PVT1: variants seen among roughly 807,000 people sequenced by gnomAD.
The protein encoded by PVT1 is Pvt1 oncogene, also known as CXCR4/PVT1 fusion.
At chr8:127,860,164 G>C (rs1439576145) in intron 2 of PVT1, among the ~76,000 whole-genome samples, 1 of 152,208 alleles carries the variant, frequency 6.6e-6, no homozygotes, top group Non-Finnish European at 1.5e-5. Context: ...CCGGCTCCCA[G>C]TGAGCTCCAG....
At chr8:127,895,272 A>G (rs1586425704) in intron 3 of PVT1, among the ~76,000 whole-genome samples, 2 of 152,172 alleles carry the variant, frequency 1.3e-5, no homozygotes, top group Non-Finnish European at 2.9e-5. Flanking sequence ...GGAGTTCAAG[A>G]CCAGCCTAAC....
intron 4 of PVT1, among the ~76,000 whole-genome samples, chr8:128,058,752 G>A (rs1169071701): frequency 6.6e-6 from 1 of 152,172 alleles, no homozygotes; most frequent in Admixed American, 6.5e-5. Context: ...GGCTATTGAG[G>A]TTGCGGAGTT....
chr8:128,032,236 C>T (rs1357418892), intron 4 of PVT1, among the ~76,000 whole-genome samples: 2 of 152,142 alleles, frequency 1.3e-5, no homozygotes, highest in Non-Finnish European at 2.9e-5. Context: ...CGGTCGCAGC[C>T]CACACTGCTG....
intron 2 of PVT1, among the ~76,000 whole-genome samples, chr8:127,822,779 A>G (rs558788320): frequency 2.5e-4 from 38 of 152,290 alleles, no homozygotes; most frequent in Non-Finnish European, 5.1e-4. Context: ...AGATGGATGA[A>G]AGCTCAGTTC....
intron 3 of PVT1, among the ~76,000 whole-genome samples, chr8:127,911,031 A>G (rs558250680): frequency 3.9e-5 from 6 of 152,090 alleles, no homozygotes. Context: ...TGTGAGAAGG[A>G]TGGGGCTATG....
intron 2 of PVT1, among the ~76,000 whole-genome samples, chr8:127,800,251 A>T (rs118149385): frequency 1.5e-3 from 221 of 152,170 alleles, no homozygotes; most frequent in Middle Eastern, 3.4e-3. Context: ...TTCAAGAGTG[A>T]TGGATGCATT....
At chr8:128,085,306 T>C (rs911068481) in intron 5 of PVT1, among the ~76,000 whole-genome samples, 1 of 152,142 alleles carries the variant, frequency 6.6e-6, no homozygotes, top group Non-Finnish European at 1.5e-5. Flanking sequence ...TACAAGGGCA[T>C]GGAAAACTCC....
At chr8:127,801,595 G>C (rs951585133) in intron 2 of PVT1, among the ~76,000 whole-genome samples, 1 of 152,138 alleles carries the variant, frequency 6.6e-6, no homozygotes, top group African/African-American at 2.4e-5. Flanking sequence ...CTTTTGAAAC[G>C]GTCAGTCTGG....
chr8:128,000,736 G>T (rs1448450677), intron 4 of PVT1, among the ~76,000 whole-genome samples: 1 of 152,172 alleles, frequency 6.6e-6, no homozygotes, highest in Non-Finnish European at 1.5e-5. Flanking sequence ...AGTGTGTAGG[G>T]CTTTTGTTGT....
At chr8:128,067,082 T>C (rs951156896) in intron 4 of PVT1, among the ~76,000 whole-genome samples, 2 of 152,240 alleles carry the variant, frequency 1.3e-5, no homozygotes, top group African/African-American at 2.4e-5. Flanking sequence ...CCTGCTCTCC[T>C]GAACCCAGAC....
intron 2 of PVT1, among the ~76,000 whole-genome samples, chr8:127,851,018 T>A (rs201183979): frequency 1.0e-3 from 144 of 142,830 alleles, no homozygotes; most frequent in Non-Finnish European, 1.6e-3. Context: ...AAAAAAAAAA[T>A]TAAAAAAAAA....
rs374974740 is a variant in PVT1, at chr8:127,858,407, AAAAT to A, written n.373-32142_373-32139del. 6.0e-3 allele frequency among the ~76,000 whole-genome samples: 851 copies of A among 141,856 alleles called. 4 individuals carry two copies. The highest frequency in any genetic ancestry group is 8.5e-3 in the African/African-American group (322 of 37,940). The allele number at this position is 141,856 out of a possible 152,430, so 93.1% of individuals were successfully genotyped here. A position where few individuals can be genotyped will look rare whatever the true frequency, so the allele number is the denominator to read the frequency against. On this transcript the variant is annotated intron_variant and non_coding_transcript_variant, in intron 2 of 10. Transcript: ENST00000651587. ...GGGTGACAGAGTGAGACTCTGTCTCAAAATAAATAAATAAATAAATAAATAAATA... is the reference window on the plus strand; with the variant it reads ...GGGTGACAGAGTGAGACTCTGTCTCAAAATAAATAAATAAATAAATAAATA...
chr8:127,801,638 A>T (rs1230416394), intron 2 of PVT1, among the ~76,000 whole-genome samples: 1 of 152,204 alleles, frequency 6.6e-6, no homozygotes, highest in African/African-American at 2.4e-5. Context: ...AATCAGGGTC[A>T]GGAGCTAGAG....
At chr8:127,956,773 G>T (rs56294136) in intron 3 of PVT1, among the ~76,000 whole-genome samples, 2 of 152,238 alleles carry the variant, frequency 1.3e-5, no homozygotes, top group African/African-American at 4.8e-5. Flanking sequence ...GTGAGCCACT[G>T]CGCCCTGCCA....
chr8:127,986,316 C>T (rs1388166338), intron 3 of PVT1, among the ~76,000 whole-genome samples: 3 of 152,160 alleles, frequency 2.0e-5, no homozygotes, highest in African/African-American at 4.8e-5. Flanking sequence ...GTCCTTGGCA[C>T]TCAGGCTCTT....
chr8:127,864,294 C>T (rs1159090015), intron 2 of PVT1, among the ~76,000 whole-genome samples: 3 of 152,128 alleles, frequency 2.0e-5, no homozygotes, highest in African/African-American at 7.2e-5. Flanking sequence ...CCGGCTGGAA[C>T]TGGGGCCCTG....
At chr8:128,056,699 G>C (rs144878794) in intron 4 of PVT1, among the ~76,000 whole-genome samples, 177 of 152,256 alleles carry the variant, frequency 1.2e-3, no homozygotes, top group African/African-American at 3.7e-3. Context: ...TATATCAGTG[G>C]GTCTTGGTAA....
At chr8:127,818,754 A>G (rs1257740514) in intron 2 of PVT1, among the ~76,000 whole-genome samples, 1 of 152,160 alleles carries the variant, frequency 6.6e-6, no homozygotes, top group African/African-American at 2.4e-5. Flanking sequence ...TCATCTATAA[A>G]ACTAGAAAAT....
chr8:127,914,955 G>T (rs548996946), intron 3 of PVT1, among the ~76,000 whole-genome samples: 1 of 151,764 alleles, frequency 6.6e-6, no homozygotes, highest in South Asian at 2.1e-4. Flanking sequence ...CCTCCTGAGC[G>T]GTTAGGGTTA....
Sources: allele counts gnomAD v4.1 joint callset (sites outside exome capture counted in the v4.1 genomes callset), GRCh38; gene constraint gnomAD v4.1.1; transcripts MANE v1.5; gene names NCBI Gene and HGNC (gene_info 2026-07-23, HGNC 2026-07-21).